The following KAZN variants were observed in gnomAD, a reference collection of about 807,000 sequenced individuals.
KAZN encodes kazrin, periplakin interacting protein.
Under a neutral mutation model 87.4 loss-of-function variants are expected in KAZN, and 40 were observed. The observed-to-expected ratio is 0.46, with a 90% CI of 0.36 to 0.60. KAZN has a LOEUF of 0.60. Ranked by LOEUF, KAZN falls within the 20% of genes least tolerant of loss-of-function variation. The probability of loss-of-function intolerance (pLI) is 0.00; values close to 1 mark genes in which losing one functional copy is unlikely to be tolerated. For synonymous variants in KAZN, 466 were observed against 458.3 expected, an observed-to-expected ratio of 1.02 and a Z score of -0.22; for missense variants, 898 against 1,073.9, an observed-to-expected ratio of 0.84 and a Z score of 2.29.
At chr1:14,612,686 G>T (rs550132344) in intron 1 of KAZN, among the ~76,000 whole-genome samples, 44 of 152,134 alleles carry the variant, frequency 2.9e-4, no homozygotes, top group African/African-American at 1.1e-3. Context: ...TCTTTGTTGT[G>T]GGGGCGGGGG....
At chr1:15,069,028 GAA>G (rs34706869) in intron 8 of KAZN, among the ~76,000 whole-genome samples, 2 of 146,626 alleles carry the variant, frequency 1.4e-5, no homozygotes, top group African/African-American at 4.9e-5. Context: ...ACACCTTAGG[GAA>G]AAAAAAAAAT....
At chr1:14,478,252 AGG>A (rs1668871261) in intron 2 of KAZN, among the ~76,000 whole-genome samples, 1 of 140,528 alleles carries the variant, frequency 7.1e-6, no homozygotes, top group African/African-American at 2.6e-5. Flanking sequence ...AAGGAAAAGA[AGG>A]AAGGAAGGAA....
intron 1 of KAZN, among the ~76,000 whole-genome samples, chr1:13,951,413 G>A (rs1282107494): frequency 6.6e-6 from 1 of 152,134 alleles, no homozygotes; most frequent in Non-Finnish European, 1.5e-5. Flanking sequence ...CTGGCTCATG[G>A]TTCGGGGACC....
At chr1:14,315,350 C>T (rs16853921) in intron 2 of KAZN, among the ~76,000 whole-genome samples, 3,282 of 152,056 alleles carry the variant, frequency 0.022, 127 homozygotes, top group African/African-American at 0.075. Context: ...TGTTATGGAA[C>T]GTATTTCTAA....
chr1:13,923,142 CTACTGCTGACCGGAAGCCT>C (rs1177810708), intron 1 of KAZN, among the ~76,000 whole-genome samples: 1 of 152,152 alleles, frequency 6.6e-6, no homozygotes, highest in Non-Finnish European at 1.5e-5. Context: ...TACCAATAGC[CTACTGCTGACCGGAAGCCT>C]TACTGATAAT....
chr1:14,030,738 T>C (rs1641290772), intron 1 of KAZN, among the ~76,000 whole-genome samples: 1 of 151,956 alleles, frequency 6.6e-6, no homozygotes, highest in African/African-American at 2.4e-5. Flanking sequence ...TGGATGTTTA[T>C]TAGCAGGGTA....
At chr1:14,448,442 T>C (rs574883897) in intron 2 of KAZN, among the ~76,000 whole-genome samples, 4 of 152,232 alleles carry the variant, frequency 2.6e-5, no homozygotes, top group Non-Finnish European at 5.9e-5. Flanking sequence ...CTGGAAGGTG[T>C]CCTCCATCAC....
At chr1:15,043,910 A>C in intron 3 of KAZN, 79 bp from the exon 4 acceptor site, 1 of 1,397,664 alleles carries the variant, frequency 7.2e-7, no homozygotes, top group Non-Finnish European at 9.6e-7. Flanking sequence ...TCTAGGAGTT[A>C]GGCCCCCTCT....
intron 1 of KAZN, among the ~76,000 whole-genome samples, chr1:14,936,393 G>A (rs1388265354): frequency 1.3e-5 from 2 of 152,148 alleles, no homozygotes; most frequent in Non-Finnish European, 1.5e-5. Context: ...TGTACCTGGG[G>A]CGACCAAATT....
At chr1:14,109,189 A>C in intron 1 of KAZN, among the ~76,000 whole-genome samples, 1 of 152,192 alleles carries the variant, frequency 6.6e-6, no homozygotes, top group East Asian at 1.9e-4. Context: ...GACAACATCT[A>C]GCCTAGAGTG....
At chr1:14,587,199 G>T (rs1161971100) in intron 2 of KAZN, among the ~76,000 whole-genome samples, 1 of 152,140 alleles carries the variant, frequency 6.6e-6, no homozygotes, top group Non-Finnish European at 1.5e-5. Flanking sequence ...ACTTTGGAAG[G>T]CCAAGGAGGG....
At chr1:14,071,283 A>G (rs569041731) in intron 1 of KAZN, among the ~76,000 whole-genome samples, 64 of 151,966 alleles carry the variant, frequency 4.2e-4, no homozygotes, top group Non-Finnish European at 8.5e-4. Context: ...TATGTTTCTG[A>G]CCCTGTGGAC....
At chr1:13,910,443 G>A (rs1422812900) in intron 1 of KAZN, among the ~76,000 whole-genome samples, 1 of 152,026 alleles carries the variant, frequency 6.6e-6, no homozygotes, top group Non-Finnish European at 1.5e-5. Context: ...GGGAGTCGGA[G>A]GTTGCAGTGA....
chr1:15,078,091 G>C lies in KAZN; in HGVS notation c.1222+12338G>C, dbSNP rs182743151. On this transcript the variant is annotated intron_variant, in intron 8 of 14. Transcript: ENST00000376030. ...AATTTGGTGAGGAAACTGAGGCTCAGAGAAGTAACATACATAGCCCTAAGA... is the reference window on the plus strand; with the variant it reads ...AATTTGGTGAGGAAACTGAGGCTCACAGAAGTAACATACATAGCCCTAAGA... Among the ~76,000 whole-genome samples, 1,213 of 152,274 alleles carry C rather than the reference G, an allele frequency of 8.0e-3. 9 individuals are homozygous for C. Among genetic ancestry groups the C allele is most frequent in the Non-Finnish European group, 0.011 (735 of 68,016 alleles).
intron 1 of KAZN, among the ~76,000 whole-genome samples, chr1:14,721,839 A>T (rs923319574): frequency 1.3e-5 from 2 of 152,128 alleles, no homozygotes; most frequent in South Asian, 4.1e-4. Flanking sequence ...ATACTCTGGG[A>T]TACTGTGAGG....
rs1254450040 is a variant in KAZN at position 15,021,913 on chromosome 1, C to T, written c.419-12836C>T. Among the ~76,000 whole-genome samples, 1 of 151,596 alleles carries T rather than the reference C, an allele frequency of 6.6e-6. No homozygotes were observed. The highest frequency in any genetic ancestry group is 2.4e-5 in the African/African-American group (1 of 41,206). On this transcript the variant is annotated intron_variant, in intron 2 of 14. Transcript: ENST00000376030. This position sits in a 1 kb window ranked among gnomAD's most constrained non-coding sequence, Gnocchi z 4.2. ...GGTTGGGGAGGCCTCATAATCATGG[C>T]GGAAGGCAAAAGACACTTCTTACAT...
intron 2 of KAZN, among the ~76,000 whole-genome samples, chr1:14,342,254 G>A (rs898323383): frequency 1.3e-5 from 2 of 152,150 alleles, no homozygotes; most frequent in African/African-American, 2.4e-5. Flanking sequence ...CATTTAGGTT[G>A]ATTCCACGTC....
intron 2 of KAZN, among the ~76,000 whole-genome samples, chr1:14,508,371 A>T (rs1387642608): frequency 2.0e-5 from 3 of 152,252 alleles, no homozygotes; most frequent in Middle Eastern, 3.4e-3. Context: ...ACTTAGAAGG[A>T]TCTTCTCATT....
At chr1:14,518,682 C>T (rs1163877399) in intron 2 of KAZN, among the ~76,000 whole-genome samples, 2 of 152,126 alleles carry the variant, frequency 1.3e-5, no homozygotes, top group Admixed American at 6.5e-5. Context: ...TCAAACAGCC[C>T]GGCTTCCCGT....
Sources: allele counts gnomAD v4.1 joint callset (sites outside exome capture counted in the v4.1 genomes callset), GRCh38; gene constraint gnomAD v4.1.1; non-coding constraint Gnocchi (gnomAD v3.1); transcripts MANE v1.5; gene names NCBI Gene and HGNC (gene_info 2026-07-23, HGNC 2026-07-21).